The following HORMAD2 variants were observed in gnomAD, a reference collection of about 807,000 sequenced individuals.
HORMAD2 encodes the protein HORMA domain-containing protein 2.
HORMAD2 carries 45 observed loss-of-function variants against 38.8 expected under a neutral mutation model. The ratio of observed to expected loss-of-function variants is 1.16; its 90% confidence interval spans 0.91 to 1.49. HORMAD2 has a LOEUF of 1.49. Among genes scored for constraint, HORMAD2 ranks in the 40% most tolerant of loss-of-function variants. The pLI, the probability that HORMAD2 is intolerant of heterozygous loss-of-function variation, is 0.00. For missense variants in HORMAD2, 338 were observed against 367.0 expected, an observed-to-expected ratio of 0.92 and a Z score of 0.65; for synonymous variants, 126 against 122.8, an observed-to-expected ratio of 1.03 and a Z score of -0.17.
chr22:30,093,450 C>A (rs1021076858), intron 1 of HORMAD2, among the ~76,000 whole-genome samples: 7 of 152,068 alleles, frequency 4.6e-5, no homozygotes, highest in Admixed American at 6.5e-5. Flanking sequence ...TATTGAGTCT[C>A]TAGGTGATTT....
intron 2 of HORMAD2, among the ~76,000 whole-genome samples, chr22:30,097,336 C>G (rs372510966): frequency 2.0e-5 from 3 of 152,192 alleles, no homozygotes; most frequent in East Asian, 1.9e-4. Context: ...ATCAGTCGCT[C>G]TCTTATCACA....
chr22:30,185,087 G>A, the HORMAD2 span, among the ~76,000 whole-genome samples: 2 of 152,216 alleles, frequency 1.3e-5, no homozygotes. Flanking sequence ...GATAGAAGCA[G>A]TGGGTTATGA....
At chr22:30,162,808 T>A (rs1925533774) in intron 10 of HORMAD2, among the ~76,000 whole-genome samples, 1 of 150,890 alleles carries the variant, frequency 6.6e-6, no homozygotes, top group Non-Finnish European at 1.5e-5. Flanking sequence ...GTTCAAGCAA[T>A]TCTCCTGCCT....
At chr22:30,183,367 C>CA in the HORMAD2 span, among the ~76,000 whole-genome samples, 1 of 152,198 alleles carries the variant, frequency 6.6e-6, no homozygotes, top group Non-Finnish European at 1.5e-5. Context: ...CCACCCTCCC[C>CA]AGGCCCAGGC....
At chr22:30,154,539 T>C (rs1219476547) in intron 10 of HORMAD2, among the ~76,000 whole-genome samples, 1 of 152,192 alleles carries the variant, frequency 6.6e-6, no homozygotes, top group Non-Finnish European at 1.5e-5. Flanking sequence ...TTCAAGTTTT[T>C]CCAGTTGTCC....
At chr22:30,108,300 T>A (rs1194806960) in intron 5 of HORMAD2, among the ~76,000 whole-genome samples, 1 of 152,102 alleles carries the variant, frequency 6.6e-6, no homozygotes, top group Admixed American at 6.5e-5. Context: ...TGCCTAAAAA[T>A]TTTCCACAGC....
chr22:30,187,267 T>C, the HORMAD2 span, among the ~76,000 whole-genome samples: 9 of 152,318 alleles, frequency 5.9e-5, no homozygotes, highest in East Asian at 1.7e-3. Flanking sequence ...GTACAATCCT[T>C]ATCCCCATTT....
At chr22:30,097,945 T>C (rs1007264065) in intron 2 of HORMAD2, among the ~76,000 whole-genome samples, 1 of 152,154 alleles carries the variant, frequency 6.6e-6, no homozygotes, top group Non-Finnish European at 1.5e-5. Flanking sequence ...TTGAGAACTC[T>C]TTTAGAGAGA....
chr22:30,096,183 T>A lies in HORMAD2; in HGVS notation c.51+2180T>A, dbSNP rs567166317. On this transcript the variant is annotated intron_variant, in intron 2 of 10. Transcript: ENST00000336726. ...TATACCCCAGTTTTATTTATTCTAC[T>A]GTTGATGAGCATTTGGGTGGTTTCC... Among the ~76,000 whole-genome samples the A allele has an allele frequency of 2.3e-3, 353 of 152,324 alleles. 6 individuals carry two copies. The highest frequency in any genetic ancestry group is 8.2e-3 in the African/African-American group (339 of 41,554).
At chr22:30,146,444 G>A (rs529214429) in intron 10 of HORMAD2, among the ~76,000 whole-genome samples, 19 of 152,250 alleles carry the variant, frequency 1.2e-4, no homozygotes, top group African/African-American at 3.9e-4. Flanking sequence ...GCAGTGAGCC[G>A]AGATCATGCC....
At chr22:30,110,684 C>T (rs577377225) in intron 5 of HORMAD2, among the ~76,000 whole-genome samples, 1 of 152,146 alleles carries the variant, frequency 6.6e-6, no homozygotes, top group South Asian at 2.1e-4. Context: ...CCGCACCCGG[C>T]CTCATATAAT....
intron 1 of HORMAD2, among the ~76,000 whole-genome samples, chr22:30,091,579 G>A (rs2068688297): frequency 6.6e-6 from 1 of 151,908 alleles, no homozygotes; most frequent in South Asian, 2.1e-4. Context: ...TTTTATTCAT[G>A]CATTCATCTG....
chr22:30,089,629 G>T (rs974688236), intron 1 of HORMAD2, among the ~76,000 whole-genome samples: 1 of 152,150 alleles, frequency 6.6e-6, no homozygotes, highest in East Asian at 1.9e-4. Flanking sequence ...GGGATTACAG[G>T]CATGAGCCAC....
chr22:30,106,094 T>A (rs1287241897), intron 5 of HORMAD2, among the ~76,000 whole-genome samples: 1 of 152,180 alleles, frequency 6.6e-6, no homozygotes, highest in Non-Finnish European at 1.5e-5. Flanking sequence ...CACTGCAACC[T>A]CCGCCTCCCA....
chr22:30,127,153 A>G (rs1478341803), intron 10 of HORMAD2, among the ~76,000 whole-genome samples: 1 of 148,864 alleles, frequency 6.7e-6, no homozygotes, highest in African/African-American at 2.5e-5. Flanking sequence ...ATCTTCTTCA[A>G]CCTTACGAGT....
intron 10 of HORMAD2, among the ~76,000 whole-genome samples, chr22:30,172,757 G>A (rs1179170091): frequency 3.9e-5 from 6 of 152,072 alleles, no homozygotes; most frequent in South Asian, 2.1e-4. Flanking sequence ...GCGTGGTGGC[G>A]GGTACCTGTA....
chr22:30,178,919 C>T (rs1033523920), downstream of HORMAD2, among the ~76,000 whole-genome samples: 1 of 152,162 alleles, frequency 6.6e-6, no homozygotes, highest in African/African-American at 2.4e-5. Context: ...CCTTTGAAGC[C>T]AGGCACCGAA....
chr22:30,168,810 G>T (rs898524607), intron 10 of HORMAD2, among the ~76,000 whole-genome samples: 2 of 151,976 alleles, frequency 1.3e-5, no homozygotes, highest in African/African-American at 4.8e-5. Flanking sequence ...TAGCCTCATT[G>T]CTTCTCGTCT....
intron 8 of HORMAD2, 105 bp downstream of exon 8, chr22:30,119,152 A>T: frequency 1.4e-6 from 1 of 712,658 alleles, no homozygotes; most frequent in Non-Finnish European, 2.4e-6. Flanking sequence ...ACATTTCCCC[A>T]CAAACCCTAC....
Sources: gnomAD v4.1 joint callset for allele counts (sites outside exome capture counted in the v4.1 genomes callset) on GRCh38, gnomAD v4.1.1 for gene constraint, MANE v1.5 for transcripts, NCBI Gene and HGNC (gene_info 2026-07-23, HGNC 2026-07-21) for gene names.